The following TRPC4 variants were observed in gnomAD, a reference collection of about 807,000 sequenced individuals.
TRPC4 encodes short transient receptor potential channel 4.
TRPC4 carries 49 observed loss-of-function variants against 99.4 expected under a neutral mutation model. The observed-to-expected ratio is 0.49, with a 90% CI of 0.39 to 0.63. TRPC4 has a LOEUF of 0.63. TRPC4 is among the 20% of genes least tolerant of loss of function. The pLI is 0.00. For missense variants in TRPC4, 898 were observed against 1,152.9 expected (o/e 0.78, Z 3.20); for synonymous variants, 454 against 425.9 (o/e 1.07, Z -0.81).
intron 3 of TRPC4, among the ~76,000 whole-genome samples, chr13:37,745,051 C>T (rs544643588): frequency 2.0e-5 from 3 of 152,210 alleles, no homozygotes; most frequent in African/African-American, 7.2e-5. Context: ...TGCTATTGTA[C>T]TAAAGTCTTT....
intron 1 of TRPC4, among the ~76,000 whole-genome samples, chr13:37,854,050 G>A (rs1406640174): frequency 6.6e-6 from 1 of 152,028 alleles, no homozygotes; most frequent in Non-Finnish European, 1.5e-5. Context: ...CAATCCTAGA[G>A]AAAGATATCA....
At chr13:37,772,305 A>G (rs1179208428) in intron 2 of TRPC4, among the ~76,000 whole-genome samples, 2 of 151,722 alleles carry the variant, frequency 1.3e-5, no homozygotes, top group African/African-American at 4.8e-5. Context: ...CCACCCCAAT[A>G]AACAAATGTC....
At chr13:37,693,445 G>A (rs938367334) in intron 3 of TRPC4, among the ~76,000 whole-genome samples, 1 of 152,158 alleles carries the variant, frequency 6.6e-6, no homozygotes, top group Non-Finnish European at 1.5e-5. Context: ...GAGAAGTTCT[G>A]TTGACATCAT....
intron 4 of TRPC4, among the ~76,000 whole-genome samples, chr13:37,691,705 A>G (rs1398876239): frequency 6.6e-6 from 1 of 152,236 alleles, no homozygotes; most frequent in Admixed American, 6.5e-5. Context: ...TCAATGAGAT[A>G]TGTTGAAAAG....
intron 4 of TRPC4, among the ~76,000 whole-genome samples, chr13:37,689,027 A>G (rs925289725): frequency 2.0e-5 from 3 of 152,136 alleles, no homozygotes; most frequent in Admixed American, 6.5e-5. Flanking sequence ...TTTTATATAT[A>G]TTACGCTTCT....
At chr13:37,832,513 T>C (rs989919191) in intron 1 of TRPC4, among the ~76,000 whole-genome samples, 3 of 152,068 alleles carry the variant, frequency 2.0e-5, no homozygotes, top group Non-Finnish European at 4.4e-5. Flanking sequence ...CACTCCAGCC[T>C]AGGTGACAGA....
chr13:37,854,332 A>G (rs1047626707), intron 1 of TRPC4, among the ~76,000 whole-genome samples: 6 of 152,164 alleles, frequency 3.9e-5, no homozygotes, highest in Non-Finnish European at 8.8e-5. Context: ...CAGCAAAACT[A>G]TCCTTCAAAC....
intron 3 of TRPC4, among the ~76,000 whole-genome samples, chr13:37,709,723 C>A (rs141965427): frequency 2.0e-5 from 3 of 151,968 alleles, no homozygotes; most frequent in African/African-American, 2.4e-5. Flanking sequence ...ATGGGATCAA[C>A]TATAATATAA....
intron 5 of TRPC4, among the ~76,000 whole-genome samples, chr13:37,672,772 G>C (rs1473243702): frequency 1.3e-5 from 2 of 152,150 alleles, no homozygotes; most frequent in African/African-American, 4.8e-5. Context: ...ACCTTCTGCT[G>C]TCTTAAACTT....
chr13:37,856,364 A>T (rs1279260309), intron 1 of TRPC4, among the ~76,000 whole-genome samples: 1 of 150,530 alleles, frequency 6.6e-6, no homozygotes, highest in Non-Finnish European at 1.5e-5. Context: ...TAATGAGATC[A>T]AAGCTGTAAT....
intron 3 of TRPC4, among the ~76,000 whole-genome samples, chr13:37,717,685 A>G (rs1954724606): frequency 6.6e-6 from 1 of 152,172 alleles, no homozygotes; most frequent in Non-Finnish European, 1.5e-5. Flanking sequence ...GAGAGGTCTC[A>G]GGAAAATCCA....
In TRPC4 at chr13:37,789,978, A is replaced by C. The variant is rs1957073706; in HGVS notation, c.-27-6618T>G. Among the ~76,000 whole-genome samples, 3 of 152,176 alleles carry C rather than the reference A, an allele frequency of 2.0e-5. No homozygotes were observed. The South Asian group carries it at 6.2e-4, about 31-fold the overall frequency. On this transcript the variant is annotated intron_variant, in intron 1 of 10. Transcript: ENST00000379705. Reference sequence around the variant, plus strand: ...AATTAGTGTACCAGATAACAGGAGAATAAAACATGCATATTAATCTCTACA... The same window carrying C: ...AATTAGTGTACCAGATAACAGGAGACTAAAACATGCATATTAATCTCTACA...
chr13:37,750,910 G>A (rs1955916190), intron 2 of TRPC4, among the ~76,000 whole-genome samples: 1 of 151,930 alleles, frequency 6.6e-6, no homozygotes, highest in African/African-American at 2.4e-5. Context: ...ATTTTCCTAC[G>A]GGAGATGGAT....
intron 4 of TRPC4, among the ~76,000 whole-genome samples, chr13:37,689,894 G>T (rs1593518953): frequency 6.6e-6 from 1 of 152,202 alleles, no homozygotes; most frequent in East Asian, 1.9e-4. Flanking sequence ...AGGGCTCTTT[G>T]TTGCCTTACT....
chr13:37,787,188 A>T (rs1459199174), intron 1 of TRPC4, among the ~76,000 whole-genome samples: 1 of 152,044 alleles, frequency 6.6e-6, no homozygotes, highest in African/African-American at 2.4e-5. Context: ...GTATTACTAA[A>T]GAGGAAATGA....
intron 7 of TRPC4, among the ~76,000 whole-genome samples, chr13:37,651,738 T>G (rs888677773): frequency 4.6e-5 from 7 of 152,210 alleles, no homozygotes; most frequent in Admixed American, 2.0e-4. Flanking sequence ...TAATTAGTTA[T>G]GACTTGAAGA....
chr13:37,859,729 T>C (rs954830204), intron 1 of TRPC4, among the ~76,000 whole-genome samples: 1 of 151,388 alleles, frequency 6.6e-6, no homozygotes, highest in African/African-American at 2.4e-5. Flanking sequence ...AAATGTGTAC[T>C]AAAGAGAACT....
chr13:37,822,364 C>G (rs1032831207), intron 1 of TRPC4, among the ~76,000 whole-genome samples: 84 of 151,686 alleles, frequency 5.5e-4, no homozygotes, highest in African/African-American at 1.9e-3. Context: ...CATGCTGGTG[C>G]GCTGCACCCA....
intron 1 of TRPC4, among the ~76,000 whole-genome samples, chr13:37,797,881 C>T (rs1024940145): frequency 2.0e-5 from 3 of 152,134 alleles, no homozygotes; most frequent in Admixed American, 2.0e-4. Context: ...TTATTCTGCA[C>T]AGTCATCAAC....
Sources: allele counts gnomAD v4.1 joint callset (sites outside exome capture counted in the v4.1 genomes callset), GRCh38; gene constraint gnomAD v4.1.1; transcripts MANE v1.5; gene names NCBI Gene and HGNC (gene_info 2026-07-23, HGNC 2026-07-21).